RUNDC3B: variants seen among roughly 807,000 people sequenced by gnomAD.
RUNDC3B encodes the protein RUN domain-containing protein 3B.
A neutral mutation model predicts 58.4 loss-of-function variants in RUNDC3B; 33 were observed. The observed-to-expected ratio is 0.56, with a 90% CI of 0.43 to 0.75. The LOEUF is 0.75. Among genes scored for constraint, RUNDC3B ranks in the 30% least tolerant of loss-of-function variants. The pLI is 0.00. For synonymous variants in RUNDC3B, 193 were observed against 195.2 expected, an observed-to-expected ratio of 0.99 and a Z score of 0.10; for missense variants, 501 against 535.7, an observed-to-expected ratio of 0.94 and a Z score of 0.64.
chr7:87,761,301 GCT>G, intron 6 of RUNDC3B, among the ~76,000 whole-genome samples: 1 of 152,020 alleles, frequency 6.6e-6, no homozygotes, highest in Admixed American at 6.6e-5. Flanking sequence ...CACAAGGATA[GCT>G]ATATCCAAAA....
In RUNDC3B at chr7:87,770,734, T is replaced by C; in HGVS notation, c.783T>C (p.Leu261=). The C allele has an allele frequency of 6.2e-7, 1 of 1,611,254 alleles. No homozygotes were observed. The highest frequency in any genetic ancestry group is 8.5e-7 in the Non-Finnish European group (1 of 1,178,034). The change falls in exon 7 of 11, where the codon CTT becomes CTC. Residue 261 remains leucine (L), a synonymous_variant. Coordinates refer to ENST00000394654, the MANE Select transcript of RUNDC3B (RefSeq NM_001134405.2). ...AGAGAGTTAAACAAAAGTATCAGCT[T>C]ACCCTGGAACAGAAGGTATTTTAAA... ...KCKRVKQKYQ[L]TLEQKGYLEE...
At chr7:87,664,607 G>A (rs1825046476) in intron 2 of RUNDC3B, among the ~76,000 whole-genome samples, 1 of 152,080 alleles carries the variant, frequency 6.6e-6, no homozygotes, top group African/African-American at 2.4e-5. Flanking sequence ...TATGATGTCT[G>A]AAATAAAACA....
Position 87,770,458 on chromosome 7 carries a change from A to G in RUNDC3B, c.630-123A>G, listed in dbSNP as rs1481898364. On this transcript the variant is annotated intron_variant, in intron 6 of 10. Coordinates refer to ENST00000394654, the MANE Select transcript of RUNDC3B (RefSeq NM_001134405.2). The stretch of plus-strand genomic sequence containing the variant: ...AAGCTTAAATCTTTATAATATCATT[A>G]TAATTTTGTATTTAGTACTAAATAT... The G allele has an allele frequency of 5.3e-6, 4 of 756,032 alleles. No individual in the cohort carries two copies. The African/African-American group carries it at 7.1e-5, about 13-fold the overall frequency. 46.8% of individuals were successfully genotyped at this position (756,032 alleles called of 1,614,324 possible).
At chr7:87,752,986 C>A (rs1040064075) in intron 6 of RUNDC3B, among the ~76,000 whole-genome samples, 14 of 152,054 alleles carry the variant, frequency 9.2e-5, no homozygotes, top group African/African-American at 3.1e-4. Context: ...AATTTTGGAT[C>A]TTTCCTGCTT....
At chr7:87,641,920 T>C (rs1822497352) in intron 1 of RUNDC3B, among the ~76,000 whole-genome samples, 1 of 152,130 alleles carries the variant, frequency 6.6e-6, no homozygotes, top group Non-Finnish European at 1.5e-5. Flanking sequence ...CTGTTATATT[T>C]CAGGTCTAAT....
At chr7:87,734,906 C>A (rs1831835613) in intron 4 of RUNDC3B, among the ~76,000 whole-genome samples, 4 of 152,176 alleles carry the variant, frequency 2.6e-5, no homozygotes, top group Admixed American at 2.0e-4. Flanking sequence ...GTCTCTTTTT[C>A]TGTCATCTTT....
chr7:87,797,554 G>T (rs1835883329), intron 8 of RUNDC3B, among the ~76,000 whole-genome samples: 1 of 152,052 alleles, frequency 6.6e-6, no homozygotes, highest in Non-Finnish European at 1.5e-5. Flanking sequence ...GGCTTAATTG[G>T]GTGAGCATTG....
chr7:87,718,302 T>C (rs186035591), intron 4 of RUNDC3B, among the ~76,000 whole-genome samples: 127 of 152,234 alleles, frequency 8.3e-4, no homozygotes, highest in African/African-American at 2.9e-3. Flanking sequence ...GGAAGCTCAT[T>C]AGGGATTTAG....
intron 6 of RUNDC3B, among the ~76,000 whole-genome samples, chr7:87,742,849 C>T (rs998316957): frequency 7.2e-5 from 11 of 152,094 alleles, no homozygotes; most frequent in Admixed American, 7.2e-4. Context: ...CACAGTGGCT[C>T]ACACCTGTAA....
chr7:87,644,731 T>A (rs1032595408), intron 1 of RUNDC3B, among the ~76,000 whole-genome samples: 1 of 151,988 alleles, frequency 6.6e-6, no homozygotes, highest in Non-Finnish European at 1.5e-5. Flanking sequence ...GAATATAATT[T>A]TTTTTACTAC....
At chr7:87,788,627 C>T (rs193117370) in intron 8 of RUNDC3B, among the ~76,000 whole-genome samples, 51 of 149,782 alleles carry the variant, frequency 3.4e-4, no homozygotes, top group African/African-American at 1.2e-3. Context: ...CTTAAAGTAC[C>T]AATTGTACTT....
At position 87,776,325 on chromosome 7, in the gene RUNDC3B, A is replaced by G. The variant is rs573210610; in HGVS notation, c.799-1473A>G. ...CCAAATGGTCATTGAGAGAACAGTG[A>G]CAGAAGAGTGAATAAACTGCAATAT... On this transcript the variant is annotated intron_variant, in intron 7 of 10. Coordinates refer to ENST00000394654, the MANE Select transcript of RUNDC3B (RefSeq NM_001134405.2). 2.6e-3 allele frequency among the ~76,000 whole-genome samples: 393 copies of G among 152,290 alleles called. 3 individuals are homozygous for G. Among genetic ancestry groups the G allele is most frequent in the African/African-American group, 8.8e-3 (366 of 41,576 alleles).
intron 10 of RUNDC3B, among the ~76,000 whole-genome samples, chr7:87,826,196 G>C (rs1837795909): frequency 1.3e-5 from 2 of 152,130 alleles, no homozygotes; most frequent in Admixed American, 1.3e-4. Context: ...CGTCATGGGA[G>C]GAACCTGGTG....
intron 1 of RUNDC3B, among the ~76,000 whole-genome samples, chr7:87,642,592 T>G (rs1290073086): frequency 2.6e-5 from 4 of 152,016 alleles, no homozygotes; most frequent in Non-Finnish European, 4.4e-5. Flanking sequence ...TTTAGATGAA[T>G]CTTTTTGGAA....
At chr7:87,734,110 G>A (rs915954669) in intron 4 of RUNDC3B, among the ~76,000 whole-genome samples, 8 of 152,272 alleles carry the variant, frequency 5.3e-5, no homozygotes, top group African/African-American at 1.9e-4. Flanking sequence ...ATACTAACTA[G>A]GATGGGTATG....
intron 7 of RUNDC3B, among the ~76,000 whole-genome samples, chr7:87,773,992 G>T (rs974145865): frequency 1.3e-5 from 2 of 151,828 alleles, no homozygotes; most frequent in Non-Finnish European, 2.9e-5. Flanking sequence ...TTTTTATGGA[G>T]CACACTAGGT....
At chr7:87,735,477 C>T (rs756304834) in intron 4 of RUNDC3B, among the ~76,000 whole-genome samples, 1 of 152,140 alleles carries the variant, frequency 6.6e-6, no homozygotes, top group Admixed American at 6.5e-5. Context: ...ATTACATTAG[C>T]CAGAAGGCTC....
chr7:87,682,311 T>C (rs1464231783), intron 2 of RUNDC3B, among the ~76,000 whole-genome samples: 1 of 152,240 alleles, frequency 6.6e-6, no homozygotes, highest in African/African-American at 2.4e-5. Context: ...AATGTTGATA[T>C]TCTGTTAATG....
intron 4 of RUNDC3B, among the ~76,000 whole-genome samples, chr7:87,735,626 A>G (rs1202517378): frequency 1.3e-5 from 2 of 152,186 alleles, no homozygotes; most frequent in Non-Finnish European, 2.9e-5. Context: ...AGTTATTACT[A>G]TGCCTGCCAC....
Sources: allele counts gnomAD v4.1 joint callset (sites outside exome capture counted in the v4.1 genomes callset), GRCh38; gene constraint gnomAD v4.1.1; transcripts MANE v1.5; gene names NCBI Gene and HGNC (gene_info 2026-07-23, HGNC 2026-07-21).